AACS: variants seen among roughly 807,000 people sequenced by gnomAD.
The protein encoded by AACS is acetoacetate-CoA ligase.
AACS carries 69 observed loss-of-function variants against 83.1 expected under a neutral mutation model. The ratio of observed to expected loss-of-function variants is 0.83; its 90% CI spans 0.68 to 1.01. AACS has a LOEUF of 1.01. Ranked by LOEUF, AACS falls within the 50% of genes least tolerant of loss-of-function variation. The pLI, the probability that AACS is intolerant of heterozygous loss-of-function variation, is 0.00. For synonymous variants in AACS, 333 were observed against 343.4 expected (o/e 0.97, Z 0.33); for missense variants, 866 against 882.2 (o/e 0.98, Z 0.23).
At chr12:125,105,069 C>G (rs369198357) in intron 7 of AACS, 1 of 152,170 alleles carries the variant, frequency 6.6e-6, no homozygotes, top group African/African-American at 2.4e-5. Context: ...TGAGAACCCA[C>G]TCATCACCAA....
intron 10 of AACS, chr12:125,124,086 GA>G (rs1264375922): frequency 6.6e-6 from 1 of 152,272 alleles, no homozygotes; most frequent in Non-Finnish European, 1.5e-5. Flanking sequence ...GCCAAAGCAG[GA>G]GGAGCACTTG....
At chr12:125,116,706 C>T (rs1957059313) in intron 9 of AACS, among the ~76,000 whole-genome samples, 1 of 152,188 alleles carries the variant, frequency 6.6e-6, no homozygotes, top group South Asian at 2.1e-4. Flanking sequence ...ACCTCATGAT[C>T]CGCCTGCCTC....
intron 5 of AACS, chr12:125,102,345 C>T (rs573567128): frequency 5.5e-5 from 15 of 273,254 alleles, no homozygotes; most frequent in Admixed American, 3.8e-4. Flanking sequence ...CCAGCGCGCC[C>T]GGCCTCATCG....
rs142471325 is a variant in AACS, at chr12:125,088,379, C to T, written c.472+1936C>T. On this transcript the variant is annotated intron_variant, in intron 4 of 17. Transcript: ENST00000316519. Reference sequence around the variant, plus strand: ...TCCTGAGTAGCTGGGACTACAGGCACGTGCCACCATGCCTGGCTAATTTTT... The same window carrying T: ...TCCTGAGTAGCTGGGACTACAGGCATGTGCCACCATGCCTGGCTAATTTTT... 6.9e-3 allele frequency among the ~76,000 whole-genome samples: 1,041 copies of T among 151,912 alleles called. 12 individuals carry two copies. Among genetic ancestry groups the T allele is most frequent in the African/African-American group, 0.024 (989 of 41,426 alleles).
chr12:125,115,094 C>T (rs1957032271), intron 9 of AACS, among the ~76,000 whole-genome samples: 1 of 152,184 alleles, frequency 6.6e-6, no homozygotes, highest in Admixed American at 6.5e-5. Flanking sequence ...GAAACCATAA[C>T]TCAACTCAAG....
chr12:125,118,858 G>A (rs370922610), intron 10 of AACS, 93 bp downstream of exon 10: 85 of 1,522,474 alleles, frequency 5.6e-5, no homozygotes, highest in East Asian at 1.9e-4. Context: ...GCCTTCTACC[G>A]TGGTCGGGGC....
chr12:125,118,795 A>G, intron 10 of AACS, 30 bp downstream of exon 10: 3 of 1,611,062 alleles, frequency 1.9e-6, no homozygotes, highest in Non-Finnish European at 2.5e-6. Flanking sequence ...GCTCAAAGCA[A>G]GGGACAGGCA....
chr12:125,121,533 A>C (rs1957152657), intron 10 of AACS: 1 of 152,240 alleles, frequency 6.6e-6, no homozygotes, highest in Admixed American at 6.5e-5. Flanking sequence ...ATTCGATCAA[A>C]GAGCATTTAT....
At chr12:125,080,784 C>T (rs949685161) in intron 3 of AACS, among the ~76,000 whole-genome samples, 7 of 151,862 alleles carry the variant, frequency 4.6e-5, no homozygotes, top group Admixed American at 3.3e-4. Flanking sequence ...CTCCTCCTCC[C>T]GGGTTCACGC....
At chr12:125,065,769 A>T (rs1186386488) in intron 1 of AACS, 52 bp downstream of exon 1, 2 of 1,464,000 alleles carry the variant, frequency 1.4e-6, no homozygotes, top group Non-Finnish European at 9.0e-7. Flanking sequence ...GGAGCCGTGC[A>T]GGGTGGTTGG....
At chr12:125,102,842 G>C in intron 6 of AACS, 49 bp downstream of exon 6, 1 of 1,557,134 alleles carries the variant, frequency 6.4e-7, no homozygotes, top group Non-Finnish European at 8.9e-7. Context: ...TGTGTGTGTG[G>C]GTACATAAGA....
At chr12:125,128,714 T>C (rs944166890) in intron 13 of AACS, 2 of 156,784 alleles carry the variant, frequency 1.3e-5, no homozygotes, top group Non-Finnish European at 1.4e-5. Context: ...CAGAGCAATG[T>C]GGGAGGAGTC....
chr12:125,074,959 T>A (rs1427326675), intron 2 of AACS, among the ~76,000 whole-genome samples: 1 of 144,346 alleles, frequency 6.9e-6, no homozygotes, highest in Non-Finnish European at 1.5e-5. Flanking sequence ...CCACCATGCC[T>A]GGCCACATTG....
chr12:125,080,632 A>G (rs1241174003), intron 3 of AACS, among the ~76,000 whole-genome samples: 1 of 1,990 alleles, frequency 5.0e-4, no homozygotes, highest in South Asian at 0.024. Flanking sequence ...CACTCCCACC[A>G]TCTCTTCTCT....
chr12:125,065,693 G>C lies in AACS; in HGVS notation c.109G>C (p.Gly37Arg). ...TQMDRFRAAV[G>R]AACGLALESY... is the part of the protein sequence containing the mutation. The stretch of plus-strand genomic sequence containing the variant: ...GATGGACCGCTTCCGGGCGGCTGTG[G>C]GCGCCGCCTGCGGCCTGGCGCTGGG... Residue 37 changes from glycine (G) to arginine (R), a missense_variant, in exon 1 of 18, where the codon GGC (glycine) becomes CGC (arginine). Gly to Arg is a moderately radical substitution (Grantham distance 125, BLOSUM62 -2). Transcript: ENST00000316519. 6.5e-7 allele frequency: 1 copy of C among 1,541,864 alleles called. No individual in the cohort carries two copies. Among genetic ancestry groups the C allele is most frequent in the South Asian group, 1.2e-5 (1 of 83,076 alleles).
At position 125,094,978 on chromosome 12, in the gene AACS, C is replaced by CGTGTGT. The variant is rs57643228; in HGVS notation, c.570+3496_570+3501dup. On this transcript the variant is annotated intron_variant, in intron 5 of 17. Transcript: ENST00000316519. The surrounding 1 kb of genome is among the most constrained non-coding windows in gnomAD (Gnocchi z 4.1). Reference sequence around the variant, plus strand: ...TCCTCCTGAAGTGCCATCAGGTGGCCGTGTGTGTGTGTGTGTGTGTGTGTG... The same window carrying CGTGTGT: ...TCCTCCTGAAGTGCCATCAGGTGGCCGTGTGTGTGTGTGTGTGTGTGTGTGTGTGTG... Among the ~76,000 whole-genome samples, 8 of 145,240 alleles carry CGTGTGT rather than the reference C, an allele frequency of 5.5e-5. No homozygotes were observed. The highest frequency in any genetic ancestry group is 2.1e-4 in the Admixed American group (3 of 14,612).
At chr12:125,121,344 G>A (rs1406061740) in intron 10 of AACS, 1 of 152,318 alleles carries the variant, frequency 6.6e-6, no homozygotes, top group East Asian at 1.9e-4. Flanking sequence ...GAAACTGAAT[G>A]TTGTGTAACA....
chr12:125,125,150 C>T, intron 12 of AACS, 126 bp downstream of exon 12: 1 of 1,400,732 alleles, frequency 7.1e-7, no homozygotes, highest in Non-Finnish European at 9.7e-7. Flanking sequence ...CGCACAGTCC[C>T]TTCTCATGAT....
intron 3 of AACS, among the ~76,000 whole-genome samples, chr12:125,083,814 C>T (rs933946442): frequency 4.0e-5 from 6 of 151,868 alleles, no homozygotes; most frequent in African/African-American, 9.7e-5. Context: ...CCACCACGCC[C>T]GGCTAAGTTT....
Sources: gnomAD v4.1 joint callset for allele counts (sites outside exome capture counted in the v4.1 genomes callset) on GRCh38, gnomAD v4.1.1 for gene constraint, Gnocchi (gnomAD v3.1) non-coding constraint, MANE v1.5 for transcripts, NCBI Gene and HGNC (gene_info 2026-07-23, HGNC 2026-07-21) for gene names.